Variants in PALLD observed in about 807,000 individuals in gnomAD.
PALLD encodes the protein palladin.
PALLD carries 61 observed loss-of-function variants against 123.5 expected under a neutral mutation model. That is an observed-to-expected ratio of 0.49 (90% CI 0.40 to 0.61). PALLD has a LOEUF of 0.61. Ranked by LOEUF, PALLD falls within the 20% of genes least tolerant of loss-of-function variation. The pLI, the probability that PALLD is intolerant of heterozygous loss-of-function variation, is 0.00. For synonymous variants in PALLD, 465 were observed against 496.4 expected, an observed-to-expected ratio of 0.94 and a Z score of 0.84; for missense variants, 1,273 against 1,377.0, an observed-to-expected ratio of 0.92 and a Z score of 1.20.
At chr4:168,899,753 C>T (rs1756051703) in intron 14 of PALLD, among the ~76,000 whole-genome samples, 1 of 151,898 alleles carries the variant, frequency 6.6e-6, no homozygotes, top group Non-Finnish European at 1.5e-5. Flanking sequence ...CCCATCTCTA[C>T]TAAAAATACA....
chr4:168,610,027 T>A (rs1369783369), intron 2 of PALLD, among the ~76,000 whole-genome samples: 4 of 152,372 alleles, frequency 2.6e-5, no homozygotes, highest in East Asian at 3.9e-4. Context: ...GATCCATTTA[T>A]GATATTTGTT....
At chr4:168,840,862 A>AT (rs1416149352) in intron 10 of PALLD, among the ~76,000 whole-genome samples, 2 of 151,906 alleles carry the variant, frequency 1.3e-5, no homozygotes, top group Admixed American at 1.3e-4. Flanking sequence ...TTATTTATTT[A>AT]TTTTTTGAGA....
chr4:168,723,315 C>T (rs960534444), intron 10 of PALLD, among the ~76,000 whole-genome samples: 2 of 152,134 alleles, frequency 1.3e-5, no homozygotes, highest in African/African-American at 2.4e-5. Context: ...ACAGATATTT[C>T]GTAGTGATGG....
intron 2 of PALLD, among the ~76,000 whole-genome samples, chr4:168,527,711 A>T (rs1188333299): frequency 6.6e-6 from 1 of 152,098 alleles, no homozygotes; most frequent in African/African-American, 2.4e-5. Context: ...ACCCTGACAG[A>T]TCCTCCTCTT....
At chr4:168,646,836 T>A (rs1411923311) in intron 2 of PALLD, among the ~76,000 whole-genome samples, 1 of 152,240 alleles carries the variant, frequency 6.6e-6, no homozygotes, top group Non-Finnish European at 1.5e-5. Flanking sequence ...ATATAGCACT[T>A]CATGACATGT....
At chr4:168,588,365 T>C (rs1003048395) in intron 2 of PALLD, among the ~76,000 whole-genome samples, 2 of 152,112 alleles carry the variant, frequency 1.3e-5, no homozygotes, top group Non-Finnish European at 2.9e-5. Flanking sequence ...CAGATGGTTG[T>C]CTGCAGATTT....
At chr4:168,825,735 T>C (rs1163069657) in intron 10 of PALLD, among the ~76,000 whole-genome samples, 1 of 152,102 alleles carries the variant, frequency 6.6e-6, no homozygotes, top group African/African-American at 2.4e-5. Context: ...GAGTTTTACT[T>C]CCTGTATTTC....
chr4:168,648,343 A>C (rs972723645), intron 2 of PALLD: 1 of 152,204 alleles, frequency 6.6e-6, no homozygotes, highest in Non-Finnish European at 1.5e-5. Context: ...AAAAGTAGAA[A>C]TCTATGGCAT....
At chr4:168,656,027 A>G (rs1368316597) in intron 2 of PALLD, among the ~76,000 whole-genome samples, 1 of 152,156 alleles carries the variant, frequency 6.6e-6, no homozygotes, top group African/African-American at 2.4e-5. Flanking sequence ...GGATCATTGT[A>G]TTTCAGTGGA....
chr4:168,638,460 C>G (rs1426348327), intron 2 of PALLD, among the ~76,000 whole-genome samples: 1 of 152,190 alleles, frequency 6.6e-6, no homozygotes, highest in Non-Finnish European at 1.5e-5. Flanking sequence ...TGTTCTGAGT[C>G]TAGATCAGGT....
In PALLD at chr4:168,511,704, T is replaced by C. The variant is rs767909709; in HGVS notation, c.200T>C (p.Ile67Thr). The change falls in exon 2 of 22, where the codon ATT becomes ACT. Residue 67 changes from isoleucine to threonine, a missense_variant. Ile to Thr is a moderately conservative substitution (Grantham distance 89, BLOSUM62 -1). Coordinates refer to ENST00000505667, the MANE Select transcript of PALLD (RefSeq NM_001166108.2). Reference sequence around the variant, plus strand: ...GACTCGGAAAAGGAGATCTCGCAGATTTTCAGTACTTCTCCTGCAAGCCTC... The same window carrying C: ...GACTCGGAAAAGGAGATCTCGCAGACTTTCAGTACTTCTCCTGCAAGCCTC... Reference protein sequence around the residue: ...DFDSEKEISQIFSTSPASLCE... With the variant: ...DFDSEKEISQTFSTSPASLCE... The C allele has an allele frequency of 7.4e-6, 12 of 1,614,160 alleles. No homozygotes were observed. Among genetic ancestry groups the C allele is most frequent in the Non-Finnish European group, 1.0e-5 (12 of 1,180,000 alleles).
intron 10 of PALLD, among the ~76,000 whole-genome samples, chr4:168,738,742 A>T (rs1306754816): frequency 8.2e-6 from 1 of 122,496 alleles, no homozygotes; most frequent in African/African-American, 3.2e-5. Context: ...GTCCTTCTTA[A>T]ACTCTTATTC....
intron 10 of PALLD, chr4:168,831,972 C>T (rs1214116519): frequency 1.0e-5 from 10 of 983,902 alleles, no homozygotes; most frequent in East Asian, 1.1e-4. Flanking sequence ...CGAGCCACGC[C>T]TCCTCTCTCC....
At chr4:168,921,501 C>A in intron 17 of PALLD, 33 bp from the exon 18 acceptor site, 2 of 1,400,050 alleles carry the variant, frequency 1.4e-6, no homozygotes, top group Non-Finnish European at 9.7e-7. Context: ...TGTTTTAATA[C>A]AAAAATTTAC....
chr4:168,800,722 A>T (rs1739204232), intron 10 of PALLD, among the ~76,000 whole-genome samples: 2 of 152,192 alleles, frequency 1.3e-5, no homozygotes, highest in African/African-American at 4.8e-5. Context: ...ACTCAAAGTT[A>T]TGCAAACTCT....
chr4:168,526,686 G>C (rs1247663603), intron 2 of PALLD, among the ~76,000 whole-genome samples: 1 of 152,186 alleles, frequency 6.6e-6, no homozygotes, highest in Non-Finnish European at 1.5e-5. Flanking sequence ...TAGGGGGCAA[G>C]TGTTAGAAAT....
intron 10 of PALLD, among the ~76,000 whole-genome samples, chr4:168,757,240 C>T (rs1376020035): frequency 1.3e-5 from 2 of 152,168 alleles, no homozygotes; most frequent in Non-Finnish European, 2.9e-5. Flanking sequence ...TGTTGATTTC[C>T]TCAGATTTCT....
At chr4:168,543,547 C>G (rs777324764) in intron 2 of PALLD, among the ~76,000 whole-genome samples, 1 of 148,318 alleles carries the variant, frequency 6.7e-6, no homozygotes, top group African/African-American at 2.5e-5. Context: ...ATGCAAATGG[C>G]AGGAGGGCAA....
At chr4:168,918,368 T>C (rs1177708002) in intron 17 of PALLD, among the ~76,000 whole-genome samples, 1 of 151,538 alleles carries the variant, frequency 6.6e-6, no homozygotes, top group East Asian at 1.9e-4. Context: ...TGGAAAATTA[T>C]AATCCTGTCA....
Sources: allele counts gnomAD v4.1 joint callset (sites outside exome capture counted in the v4.1 genomes callset), GRCh38; gene constraint gnomAD v4.1.1; transcripts MANE v1.5; gene names NCBI Gene and HGNC (gene_info 2026-07-23, HGNC 2026-07-21).